The following DNAH5 variants were observed in gnomAD, a reference collection of about 807,000 sequenced individuals.
DNAH5 encodes the protein axonemal beta dynein heavy chain 5.
In DNAH5, 372 loss-of-function variants were observed where a neutral mutation model predicts 518.2. That is an observed-to-expected ratio of 0.72 (90% CI 0.66 to 0.78). The LOEUF is 0.78. Among genes scored for constraint, DNAH5 ranks in the 30% least tolerant of loss-of-function variants. DNAH5 has a pLI of 0.00. For missense variants in DNAH5, 5,523 were observed against 5,687.0 expected (o/e 0.97, Z 0.93); for synonymous variants, 2,039 against 2,025.9 (o/e 1.01, Z -0.17).
intron 67 of DNAH5, 123 bp downstream of exon 67, chr5:13,735,695 T>C: frequency 1.2e-6 from 1 of 854,908 alleles, no homozygotes; most frequent in Admixed American, 1.9e-5. Context: ...GTAATTACAC[T>C]GATCTGAGAT....
rs183622722 is a variant in DNAH5, at chr5:13,793,497, C to T, written c.8224+18G>A. Reference sequence around the variant, plus strand: ...TGTTCTTCCTCACCCTCCCACCCCACATCCTCTTGATCTTTACCAAAGATC... The same window carrying T: ...TGTTCTTCCTCACCCTCCCACCCCATATCCTCTTGATCTTTACCAAAGATC... On this transcript the variant is annotated intron_variant, in intron 49 of 78. Transcript: ENST00000265104. 5.7e-5 allele frequency: 92 copies of T among 1,604,468 alleles called. 1 individual carries two copies. The Admixed American group carries it at 1.3e-3, about 22-fold the overall frequency.
At chr5:13,817,429 T>C in intron 42 of DNAH5, 119 bp downstream of exon 42, 1 of 986,454 alleles carries the variant, frequency 1.0e-6, no homozygotes, top group Admixed American at 2.2e-5. Flanking sequence ...GATTTATGAC[T>C]TCTTAGTCTT....
At chr5:13,951,093 T>C (rs1780358026) in intron 1 of DNAH5, among the ~76,000 whole-genome samples, 1 of 152,030 alleles carries the variant, frequency 6.6e-6, no homozygotes, top group South Asian at 2.1e-4. Flanking sequence ...TTTTAATTGA[T>C]ATTTTTCCAC....
chr5:13,828,566 T>C (rs189631337), intron 38 of DNAH5, among the ~76,000 whole-genome samples: 1 of 152,348 alleles, frequency 6.6e-6, no homozygotes, highest in East Asian at 1.9e-4. Flanking sequence ...GTGTGTGTGA[T>C]TATGTGGTCA....
Position 13,762,573 on chromosome 5 carries a change from A to G in DNAH5, c.10281+149T>C. 16 of 707,300 alleles carry G rather than the reference A, an allele frequency of 2.3e-5. No individual in the cohort carries two copies. The South Asian group carries it at 2.5e-4, about 11-fold the overall frequency. 43.8% of individuals were successfully genotyped at this position (707,300 alleles called of 1,614,324 possible). A position where few individuals can be genotyped will look rare whatever the true frequency, so the allele number is the denominator to read the frequency against. ...ATTACAAAGAAGAAAGAAACATCCC[A>G]TGCTTGGCCTTTCTATGCTCACTCT... On this transcript the variant is annotated intron_variant, in intron 60 of 78. Transcript: ENST00000265104.
chr5:13,953,864 C>A (rs751647918), intron 1 of DNAH5, among the ~76,000 whole-genome samples: 17 of 152,078 alleles, frequency 1.1e-4, no homozygotes, highest in Non-Finnish European at 2.1e-4. Flanking sequence ...CCTGCCACCA[C>A]GTCCAGCTAA....
rs377747035 is a variant in DNAH5 at position 13,840,909 on chromosome 5, G to C, written c.5706C>G (p.Asp1902Glu). Residue 1902 changes from aspartate (D) to glutamate (E), a missense_variant, in exon 34 of 79, where the codon GAC becomes GAG. Coordinates refer to ENST00000265104, the MANE Select transcript of DNAH5 (RefSeq NM_001369.3). ...IHVHQRDIFD[D>E]LCHMHIKSPM... Reference sequence around the variant, plus strand: ...ACAGCATTTATAAAGAATTTACCAGGTCATCAAAGATATCCCTTTGGTGCA... The same window carrying C: ...ACAGCATTTATAAAGAATTTACCAGCTCATCAAAGATATCCCTTTGGTGCA... The C allele has an allele frequency of 6.2e-7, 1 of 1,612,442 alleles. No individual in the cohort carries two copies. The highest frequency in any genetic ancestry group is 2.2e-5 in the East Asian group (1 of 44,864).
intron 14 of DNAH5, chr5:13,900,718 T>G (rs1774487142): frequency 2.4e-6 from 1 of 422,768 alleles, no homozygotes; most frequent in African/African-American, 2.0e-5. Context: ...GATACCTTCA[T>G]GCCTACTCTA....
At chr5:13,945,690 C>A (rs1779854613), upstream of DNAH5, among the ~76,000 whole-genome samples, 1 of 152,118 alleles carries the variant, frequency 6.6e-6, no homozygotes, top group Non-Finnish European at 1.5e-5. Context: ...ACCACAGCCT[C>A]AACCTCCCAG....
intron 55 of DNAH5, among the ~76,000 whole-genome samples, chr5:13,773,515 T>A (rs1339255949): frequency 6.6e-6 from 1 of 152,162 alleles, no homozygotes; most frequent in East Asian, 1.9e-4. Context: ...AAGGCCATAT[T>A]ATGGAAAGAT....
intron 49 of DNAH5, 100 bp from the exon 50 acceptor site, chr5:13,792,317 C>G (rs1757128384): frequency 3.3e-6 from 3 of 917,696 alleles, no homozygotes. Context: ...TGTCATTATA[C>G]ATTTTAATAG....
In DNAH5 at chr5:13,944,367, A is replaced by G; in HGVS notation, c.57+15T>C. ...CCAAAACACACATGCAAAGGTACAG[A>G]CAACAGCACCTTACCGTTAAAACTC... On this transcript the variant is annotated intron_variant, in intron 1 of 78. Coordinates refer to ENST00000265104, the MANE Select transcript of DNAH5 (RefSeq NM_001369.3). The G allele has an allele frequency of 6.2e-7, 1 of 1,611,864 alleles. No individual in the cohort carries two copies. Among genetic ancestry groups the G allele is most frequent in the Non-Finnish European group, 8.5e-7 (1 of 1,178,046 alleles).
intron 55 of DNAH5, among the ~76,000 whole-genome samples, chr5:13,775,875 G>A (rs1561226231): frequency 6.6e-6 from 1 of 151,222 alleles, no homozygotes; most frequent in Non-Finnish European, 1.5e-5. Flanking sequence ...CTACTGTCCT[G>A]AATCAGGGTT....
chr5:13,931,438 T>G (rs895049584), intron 1 of DNAH5, among the ~76,000 whole-genome samples, 194 bp from the exon 2 acceptor site: 3 of 152,202 alleles, frequency 2.0e-5, no homozygotes, highest in Non-Finnish European at 1.5e-5. Flanking sequence ...TAAAGCATGC[T>G]CATTGTTGTG....
rs766044681 is a variant in DNAH5, at chr5:13,700,677, C to T, written c.13686G>A (p.Glu4562=). 4.3e-6 allele frequency: 7 copies of T among 1,614,186 alleles called. No homozygotes were observed. Among genetic ancestry groups the T allele is most frequent in the African/African-American group, 1.3e-5 (1 of 75,050 alleles). The part of the protein sequence containing the change: ...LIESKPKVLF[E]LMPVIRIYAE... ...CATAAATCCTTATGACAGGCATCAA[C>T]TCAAAGAGCACTTTTGGCTTTGATT... Residue 4562 remains glutamate, a synonymous_variant, in exon 78 of 79, where the codon GAG becomes GAA. Coordinates refer to ENST00000265104, the MANE Select transcript of DNAH5 (RefSeq NM_001369.3).
At chr5:13,833,999 A>G (rs773295411) in intron 35 of DNAH5, among the ~76,000 whole-genome samples, 8 of 152,214 alleles carry the variant, frequency 5.3e-5, no homozygotes, top group African/African-American at 1.4e-4. Context: ...TGCCTCCAGC[A>G]TTTGACTTTT....
chr5:13,818,557 A>C (rs1561342943), intron 41 of DNAH5, among the ~76,000 whole-genome samples: 1 of 152,194 alleles, frequency 6.6e-6, no homozygotes, highest in East Asian at 1.9e-4. Flanking sequence ...ATTTTTTATC[A>C]ATCTGGTACT....
intron 65 of DNAH5, among the ~76,000 whole-genome samples, chr5:13,738,792 A>G (rs1747968549): frequency 6.6e-6 from 1 of 152,176 alleles, no homozygotes; most frequent in Non-Finnish European, 1.5e-5. Flanking sequence ...TCAACTTGCT[A>G]TATGAGAGAC....
At chr5:13,993,327 G>A (rs1187969673) in intron 1 of DNAH5, among the ~76,000 whole-genome samples, 1 of 152,152 alleles carries the variant, frequency 6.6e-6, no homozygotes, top group Non-Finnish European at 1.5e-5. Flanking sequence ...TCTTTAAGCA[G>A]GTGGAACATA....
Sources: allele counts gnomAD v4.1 joint callset (sites outside exome capture counted in the v4.1 genomes callset), GRCh38; gene constraint gnomAD v4.1.1; transcripts MANE v1.5; gene names NCBI Gene and HGNC (gene_info 2026-07-23, HGNC 2026-07-21).